The following DNAH9 variants were observed in gnomAD, a reference collection of about 807,000 sequenced individuals.
DNAH9 encodes the protein dynein axonemal heavy chain 9.
A neutral mutation model predicts 471.6 loss-of-function variants in DNAH9; 345 were observed. That is an observed-to-expected ratio of 0.73 (90% confidence interval 0.67 to 0.80). The LOEUF is 0.80. Ranked by LOEUF, DNAH9 falls within the 30% of genes least tolerant of loss-of-function variation. The pLI, the probability that DNAH9 is intolerant of heterozygous loss-of-function variation, is 0.00. For missense variants in DNAH9, 5,407 were observed against 5,609.2 expected (o/e 0.96, Z 1.15); for synonymous variants, 2,093 against 2,123.6 (o/e 0.99, Z 0.40).
At chr17:11,936,050 A>G (rs1974703613) in intron 65 of DNAH9, among the ~76,000 whole-genome samples, 1 of 152,214 alleles carries the variant, frequency 6.6e-6, no homozygotes, top group Non-Finnish European at 1.5e-5. Flanking sequence ...TTATTCAGCA[A>G]GGGTGAAATC....
At chr17:11,602,439 C>G (rs756138954) in intron 1 of DNAH9, among the ~76,000 whole-genome samples, 2 of 152,148 alleles carry the variant, frequency 1.3e-5, no homozygotes, top group Non-Finnish European at 1.5e-5. Flanking sequence ...GCTGCGTTTC[C>G]CCTACAGCCT....
intron 4 of DNAH9, 182 bp downstream of exon 4, chr17:11,611,962 G>A: frequency 1.6e-6 from 1 of 643,776 alleles, no homozygotes; most frequent in Admixed American, 2.5e-5. Flanking sequence ...ACAGAGCTAT[G>A]CTGTTTGCAG....
At chr17:11,693,796 C>T in intron 20 of DNAH9, 72 bp from the exon 21 acceptor site, 7 of 1,523,882 alleles carry the variant, frequency 4.6e-6, no homozygotes, top group Non-Finnish European at 6.3e-6. Context: ...CTGCTTCTAA[C>T]TGGCTCCATG....
intron 26 of DNAH9, among the ~76,000 whole-genome samples, chr17:11,717,012 T>C (rs147574461): frequency 8.5e-5 from 13 of 152,260 alleles, no homozygotes; most frequent in African/African-American, 3.1e-4. Flanking sequence ...CGCATAGGGC[T>C]CCATGAATAT....
chr17:11,848,120 T>G (rs1240637117), intron 49 of DNAH9, among the ~76,000 whole-genome samples: 1 of 152,166 alleles, frequency 6.6e-6, no homozygotes, highest in East Asian at 1.9e-4. Flanking sequence ...AATCTACACT[T>G]TCATAAATAG....
Position 11,881,335 on chromosome 17 carries a change from C to T in DNAH9, c.10728C>T (p.Thr3576=), listed in dbSNP as rs565978229. ...LQAQATLINF[T]VTRDGLEDQL... is the part of the protein sequence containing the mutation. ...CTCAGGCCACCCTGATCAACTTCAC[C>T]GTGACCAGGGATGGCCTGGAGGACC... Residue 3576 remains threonine, a synonymous_variant, in exon 55 of 69, where the codon ACC becomes ACT. Coordinates refer to ENST00000262442, the MANE Select transcript of DNAH9 (RefSeq NM_001372.4). 174 of 1,614,170 alleles carry T rather than the reference C, an allele frequency of 1.1e-4. 1 individual carries two copies. The highest frequency in any genetic ancestry group is 1.0e-3 in the South Asian group (94 of 91,078).
At chr17:11,855,125 C>T (rs1397785978) in intron 50 of DNAH9, among the ~76,000 whole-genome samples, 2 of 151,870 alleles carry the variant, frequency 1.3e-5, no homozygotes, top group Admixed American at 6.6e-5. Context: ...TGGTCTTGAA[C>T]TCCCGGGCTC....
chr17:11,659,294 A>T (rs2150713072), intron 14 of DNAH9, among the ~76,000 whole-genome samples: 1 of 152,314 alleles, frequency 6.6e-6, no homozygotes, highest in Non-Finnish European at 1.5e-5. Flanking sequence ...ATTTCTTATT[A>T]TCATTATGTG....
At position 11,598,781 on chromosome 17, in the gene DNAH9, C is replaced by T; in HGVS notation, c.283C>T (p.Leu95=). ...GCTGGAGGTGGGACCTGAGTCGGGC[C>T]TGGCTGGCGCTAAGGCGCTTTTTTT... ...PGLEVGPESG[L]AGAKALFFLR... is the part of the protein sequence containing the mutation. The change falls in exon 1 of 69, where the codon CTG becomes TTG. Residue 95 remains leucine (L), a synonymous_variant. Coordinates refer to ENST00000262442, the MANE Select transcript of DNAH9 (RefSeq NM_001372.4). The T allele has an allele frequency of 6.8e-7, 1 of 1,468,684 alleles. No individual in the cohort carries two copies. Among genetic ancestry groups the T allele is most frequent in the South Asian group, 1.3e-5 (1 of 77,482 alleles). The allele number at this position is 1,468,684 out of a possible 1,614,324, so 91.0% of individuals were successfully genotyped here.
At chr17:11,941,694 GGATA>G (rs58634740) in intron 66 of DNAH9, among the ~76,000 whole-genome samples, 60,150 of 148,058 alleles carry the variant, frequency 0.41, 12,715 homozygotes, top group East Asian at 0.49. Flanking sequence ...GTGGATGACC[GGATA>G]GATAGATAGA....
chr17:11,661,196 CTT>C (rs934022860), intron 14 of DNAH9, among the ~76,000 whole-genome samples: 1 of 151,522 alleles, frequency 6.6e-6, no homozygotes, highest in Non-Finnish European at 1.5e-5. Context: ...AAAATACCCT[CTT>C]GTTTTGAAAT....
chr17:11,672,676 C>G (rs149976809), intron 17 of DNAH9, among the ~76,000 whole-genome samples: 1 of 152,256 alleles, frequency 6.6e-6, no homozygotes, highest in East Asian at 1.9e-4. Flanking sequence ...CCCGCCATGA[C>G]CCAGCATCCA....
intron 60 of DNAH9, among the ~76,000 whole-genome samples, 154 bp downstream of exon 60, chr17:11,903,066 C>A (rs967720588): frequency 3.3e-5 from 5 of 152,190 alleles, no homozygotes; most frequent in Non-Finnish European, 5.9e-5. Context: ...ACAGGCCAGG[C>A]GCGGTGGCTC....
chr17:11,961,144 GTC>G (rs1219042729), intron 67 of DNAH9, among the ~76,000 whole-genome samples: 5 of 152,010 alleles, frequency 3.3e-5, no homozygotes, highest in African/African-American at 1.2e-4. Flanking sequence ...GTGAAACCCT[GTC>G]TCTACTGAAA....
At chr17:11,759,852 A>G (rs2150863625) in intron 35 of DNAH9, among the ~76,000 whole-genome samples, 1 of 151,722 alleles carries the variant, frequency 6.6e-6, no homozygotes, top group African/African-American at 2.4e-5. Context: ...ATGCCCAGCT[A>G]ATATTTTGTA....
chr17:11,924,428 C>T (rs1974245566), intron 62 of DNAH9, among the ~76,000 whole-genome samples: 1 of 151,924 alleles, frequency 6.6e-6, no homozygotes, highest in African/African-American at 2.4e-5. Flanking sequence ...GAATCTGGAA[C>T]CCCTACTACT....
intron 35 of DNAH9, among the ~76,000 whole-genome samples, chr17:11,759,372 C>T (rs1285775265): frequency 6.6e-6 from 1 of 151,984 alleles, no homozygotes; most frequent in Non-Finnish European, 1.5e-5. Context: ...TGAGAACATG[C>T]AGTTTTTGAC....
In DNAH9 at chr17:11,598,548, G is replaced by A; in HGVS notation, c.50G>A (p.Gly17Glu). 1.4e-6 allele frequency: 2 copies of A among 1,409,738 alleles called. No homozygotes were observed. Among genetic ancestry groups the A allele is most frequent in the East Asian group, 6.0e-5 (2 of 33,226 alleles). 87.3% of individuals were successfully genotyped at this position (1,409,738 alleles called of 1,614,324 possible). Residue 17 changes from glycine (G) to glutamate (E), a missense_variant, in exon 1 of 69, where the codon GGG (glycine) becomes GAG (glutamate). This residue lies in a region of DNAH9 where 767 missense variants were observed against 692.5 expected (regional missense o/e 1.11). Coordinates refer to ENST00000262442, the MANE Select transcript of DNAH9 (RefSeq NM_001372.4). The part of the protein sequence containing the change: ...RAALAAENAD[G>E]EPGADRRLRL... ...GCGCTCGCGGCGGAGAACGCGGATGGGGAACCCGGCGCCGACCGACGACTG... is the reference window on the plus strand; with the variant it reads ...GCGCTCGCGGCGGAGAACGCGGATGAGGAACCCGGCGCCGACCGACGACTG...
intron 50 of DNAH9, among the ~76,000 whole-genome samples, chr17:11,859,452 A>G (rs961581296): frequency 5.3e-5 from 8 of 151,340 alleles, no homozygotes; most frequent in South Asian, 2.1e-4. Flanking sequence ...TTTTGTGCCA[A>G]TCTAACAGTT....
Sources: allele counts gnomAD v4.1 joint callset (sites outside exome capture counted in the v4.1 genomes callset), GRCh38; gene constraint gnomAD v4.1.1; regional missense constraint gnomAD v4.1.1; transcripts MANE v1.5; gene names NCBI Gene and HGNC (gene_info 2026-07-23, HGNC 2026-07-21).